The following TTN variants were observed in gnomAD, a reference collection of about 807,000 sequenced individuals.
TTN encodes the protein titin, also known as connectin.
TTN carries 1,525 observed loss-of-function variants against 3,223.0 expected under a neutral mutation model. The ratio of observed to expected loss-of-function variants is 0.47; its 90% confidence interval spans 0.45 to 0.49. The LOEUF (loss-of-function observed/expected upper bound fraction) is 0.49. Among genes scored for constraint, TTN ranks in the 20% least tolerant of loss-of-function variants. The pLI, the probability that TTN is intolerant of heterozygous loss-of-function variation, is 0.00. For synonymous variants in TTN, 14,094 were observed against 15,161.0 expected (o/e 0.93, Z 5.17); for missense variants, 40,786 against 43,424.0 (o/e 0.94, Z 5.40).
chr2:178,650,670 A>G, intron 209 of TTN, 81 bp downstream of exon 209: 2 of 1,261,980 alleles, frequency 1.6e-6, no homozygotes, highest in Non-Finnish European at 2.2e-6. Context: ...AGAAATAATG[A>G]GTTAGGAAGG....
intron 285 of TTN, 42 bp downstream of exon 285, chr2:178,601,840 A>G: frequency 6.2e-7 from 1 of 1,606,780 alleles, no homozygotes; most frequent in Non-Finnish European, 8.5e-7. Flanking sequence ...GCAATATTGA[A>G]GTCAACCATA....
At chr2:178,615,262 T>C (rs765290226) in intron 259 of TTN, 45 bp downstream of exon 259, 16 of 1,591,258 alleles carry the variant, frequency 1.0e-5, no homozygotes, top group Non-Finnish European at 1.4e-5. Flanking sequence ...CCCATTTTAG[T>C]GACTAGGAGT....
chr2:178,598,419 T>C (rs1300126556), intron 292 of TTN, 87 bp downstream of exon 292: 11 of 1,473,516 alleles, frequency 7.5e-6, no homozygotes, highest in Non-Finnish European at 9.1e-6. Flanking sequence ...ATCCAAAAAG[T>C]ATAGACAGAA....
At chr2:178,541,244 G>T in intron 350 of TTN, 38 bp downstream of exon 350, 1 of 1,437,552 alleles carries the variant, frequency 7.0e-7, no homozygotes, top group Non-Finnish European at 9.2e-7. Flanking sequence ...CATATAAATT[G>T]TAACTCAATC....
At position 178,582,216 on chromosome 2, in the gene TTN, AATTG is replaced by A. The variant is rs758125069; in HGVS notation, c.66161-12_66161-9del. ...CACAGCGTCCTGGTGGGTCTGCAGA[AATTG>A]ATTGAAAAGTTAATTTCCCAGGCTA... On this transcript the variant is annotated splice_polypyrimidine_tract_variant and intron_variant, in intron 314 of 362. Transcript: ENST00000589042. 1.3e-4 allele frequency: 202 copies of A among 1,586,714 alleles called. No individual in the cohort carries two copies. Among genetic ancestry groups the A allele is most frequent in the Non-Finnish European group, 1.5e-4 (181 of 1,172,732 alleles).
At chr2:178,545,776 A>G (rs1274410773) in intron 343 of TTN, 44 bp downstream of exon 343, 2 of 1,600,978 alleles carry the variant, frequency 1.2e-6, no homozygotes, top group Non-Finnish European at 8.5e-7. Flanking sequence ...CCCTGATTCT[A>G]TTACATTTCA....
At position 178,617,773 on chromosome 2, in the gene TTN, G is replaced by C. The variant is rs2057628184; in HGVS notation, c.47572+6C>G. Reference sequence around the variant, plus strand: ...AGTAATTATTTCCCTTTTTTGATGGGCTTACCAATTGGATCAGCAACTTTG... The same window carrying C: ...AGTAATTATTTCCCTTTTTTGATGGCCTTACCAATTGGATCAGCAACTTTG... On this transcript the variant is annotated splice_donor_region_variant and intron_variant, in intron 253 of 362. Coordinates refer to ENST00000589042, the MANE Select transcript of TTN (RefSeq NM_001267550.2). 6.2e-7 allele frequency: 1 copy of C among 1,609,898 alleles called. No homozygotes were observed. Among genetic ancestry groups the C allele is most frequent in the Non-Finnish European group, 8.5e-7 (1 of 1,178,242 alleles).
chr2:178,774,101 A>G lies in TTN; in HGVS notation c.7067T>C (p.Ile2356Thr). The part of the protein sequence containing the change: ...TCKLKMKPRP[I>T]AILQGLSDQK... ...GTCACTAAGTCCTTGTAGGATAGCA[A>G]TGGGGCGGGCTGTGAAATATGGGGA... The change falls in exon 31 of 363, where the codon ATT becomes ACT. Residue 2356 changes from isoleucine to threonine, a missense_variant. By Grantham distance (89) the Ile-to-Thr change is moderately conservative. Coordinates refer to ENST00000589042, the MANE Select transcript of TTN (RefSeq NM_001267550.2). The G allele has an allele frequency of 6.2e-7, 1 of 1,614,092 alleles. No individual in the cohort carries two copies. The highest frequency in any genetic ancestry group is 8.5e-7 in the Non-Finnish European group (1 of 1,179,980).
intron 263 of TTN, 127 bp downstream of exon 263, chr2:178,613,624 A>G: frequency 1.1e-6 from 1 of 946,370 alleles, no homozygotes; most frequent in East Asian, 2.8e-5. Flanking sequence ...GGTAATAGAA[A>G]ATATGAGTAA....
chr2:178,567,255 G>A lies in TTN; in HGVS notation c.78877C>T (p.Pro26293Ser). 6.2e-7 allele frequency: 1 copy of A among 1,606,736 alleles called. No homozygotes were observed. The highest frequency in any genetic ancestry group is 1.7e-5 in the Admixed American group (1 of 59,208). ...VLDRPGPPEG[P>S]VQVTGVTSEK... ...GAAGTGACTCCAGTAACCTGGACTG[G>A]CCCTTCTGGAGGTCCTGGTCTATCT... Residue 26293 changes from proline to serine, a missense_variant, in exon 326 of 363, where the codon CCA (proline) becomes TCA (serine). Pro to Ser is a moderately conservative substitution (Grantham distance 74). Transcript: ENST00000589042.
rs1575732608 is a variant in TTN at position 178,570,304 on chromosome 2, A to C, written c.75828T>G (p.Thr25276=). Residue 25276 remains threonine, a synonymous_variant, in exon 326 of 363, where the codon ACT becomes ACG. Coordinates refer to ENST00000589042, the MANE Select transcript of TTN (RefSeq NM_001267550.2). ...VTKLLEGNEY[T]FRIMAVNKYG... is the part of the protein sequence containing the mutation. ...ATTTGTTTACTGCCATTATACGGAA[A>C]GTATATTCATTGCCTTCAAGAAGCT... is the stretch of plus-strand genomic sequence containing the variant. The C allele has an allele frequency of 6.2e-7, 1 of 1,613,360 alleles. No individual in the cohort carries two copies.
rs1209372495 is a variant in TTN at position 178,618,233 on chromosome 2, T to C, written c.47225A>G (p.Glu15742Gly). ...TACAGGATTGTCAGTTTCTACTGGCTCACCAGTGCCAACTCTGTTTCTTGC... is the reference window on the plus strand; with the variant it reads ...TACAGGATTGTCAGTTTCTACTGGCCCACCAGTGCCAACTCTGTTTCTTGC... ...VSARNRVGTG[E>G]PVETDNPVEA... Residue 15742 changes from glutamate to glycine, a missense_variant, in exon 252 of 363, where the codon GAG becomes GGG. By Grantham distance (98) the Glu-to-Gly change is moderately conservative. Transcript: ENST00000589042. 6.2e-7 allele frequency: 1 copy of C among 1,612,854 alleles called. No homozygotes were observed. Among genetic ancestry groups the C allele is most frequent in the Admixed American group, 1.7e-5 (1 of 59,956 alleles).
chr2:178,799,529 G>C lies in TTN; in HGVS notation c.872C>G (p.Ser291Cys), dbSNP rs371807407. The C allele has an allele frequency of 1.2e-6, 2 of 1,614,052 alleles. No homozygotes were observed. The highest frequency in any genetic ancestry group is 2.2e-5 in the East Asian group (1 of 44,872). ...QSPSPIRHSP[S>C]PVRHVRAPTP... is the part of the protein sequence containing the mutation. ...CGGTGCCCGCACGTGTCTGACCGGG[G>C]AAGGGGAGTGTCTTATGGGCGATGG... Residue 291 changes from serine to cysteine, a missense_variant, in exon 6 of 363, where the codon TCC becomes TGC. Physicochemically the swap from Ser to Cys is moderately radical, Grantham distance 112. Transcript: ENST00000589042.
In TTN at chr2:178,800,666, G is replaced by A. The variant is rs1188729946; in HGVS notation, c.312C>T (p.Pro104=). 3 of 1,609,176 alleles carry A rather than the reference G, an allele frequency of 1.9e-6. No homozygotes were observed. Among genetic ancestry groups the A allele is most frequent in the African/African-American group, 2.7e-5 (2 of 74,828 alleles). Residue 104 remains proline, a synonymous_variant, in exon 4 of 363, where the codon CCC becomes CCT. Coordinates refer to ENST00000589042, the MANE Select transcript of TTN (RefSeq NM_001267550.2). ...TGCTCTGCAGTCGTTGAACGAAGTT[G>A]GGTGGTGCTGTCTCAGCTGCGGGGA... is the stretch of plus-strand genomic sequence containing the variant. The part of the protein sequence containing the change: ...ELLVKAETAP[P]NFVQRLQSMT...
chr2:178,770,869 C>G, intron 34 of TTN, 194 bp from the exon 35 acceptor site: 1 of 852,800 alleles, frequency 1.2e-6, no homozygotes, highest in African/African-American at 1.6e-5. Context: ...ACATGTACAT[C>G]GTGAAATGAT....
chr2:178,607,716 C>G (rs377354603), intron 276 of TTN, 31 bp from the exon 277 acceptor site: 2 of 1,611,732 alleles, frequency 1.2e-6, no homozygotes, highest in African/African-American at 2.7e-5. Context: ...TGCATTAGCC[C>G]ATGAAAGATT....
chr2:178,553,458 A>G, intron 334 of TTN, 44 bp downstream of exon 334: 1 of 1,577,896 alleles, frequency 6.3e-7, no homozygotes, highest in Non-Finnish European at 8.6e-7. Context: ...GATTTCCTGG[A>G]AGTATGCTTA....
At position 178,734,942 on chromosome 2, in the gene TTN, G is replaced by T; in HGVS notation, c.14982C>A (p.Leu4994=). Residue 4994 remains leucine (L), a synonymous_variant, in exon 51 of 363, where the codon CTC becomes CTA. Coordinates refer to ENST00000589042, the MANE Select transcript of TTN (RefSeq NM_001267550.2). ...VKKVDPSYLM[L]PGESARLHCK... is the part of the protein sequence containing the mutation. Reference sequence around the variant, plus strand: ...AATGGAGGCGTGCTGATTCACCTGGGAGCATTAAATAAGAGGGATCCACCT... The same window carrying T: ...AATGGAGGCGTGCTGATTCACCTGGTAGCATTAAATAAGAGGGATCCACCT... 6.2e-7 allele frequency: 1 copy of T among 1,607,892 alleles called. No homozygotes were observed. Among genetic ancestry groups the T allele is most frequent in the Non-Finnish European group, 8.5e-7 (1 of 1,176,598 alleles).
chr2:178,645,897 A>G (rs765302104), intron 217 of TTN, 23 bp downstream of exon 217: 1 of 1,464,252 alleles, frequency 6.8e-7, no homozygotes, highest in Non-Finnish European at 9.2e-7. Flanking sequence ...GGCTAATAAA[A>G]CTTTGGAAGT....
Sources: allele counts gnomAD v4.1 joint callset, GRCh38; gene constraint gnomAD v4.1.1; transcripts MANE v1.5; gene names NCBI Gene and HGNC (gene_info 2026-07-23, HGNC 2026-07-21).